Variants in FAM107A observed in about 807,000 individuals in gnomAD.
FAM107A encodes the protein actin-associated protein FAM107A.
A neutral mutation model predicts 13.7 loss-of-function variants in FAM107A; 19 were observed. That is an observed-to-expected ratio of 1.38 (90% CI 0.97 to 2.03). FAM107A has a LOEUF of 2.03. Ranked by LOEUF, FAM107A falls within the 30% of genes most tolerant of loss-of-function variation. The pLI is 0.00. For synonymous variants in FAM107A, 82 were observed against 74.5 expected (o/e 1.10, Z -0.52); for missense variants, 203 against 184.4 (o/e 1.10, Z -0.58).
upstream of FAM107A, among the ~76,000 whole-genome samples, chr3:58,587,509 G>A (rs908461130): frequency 2.9e-4 from 39 of 136,498 alleles, no homozygotes; most frequent in African/African-American, 1.0e-3. Flanking sequence ...GTGTGTGTGT[G>A]TGTGTGTGTG....
chr3:58,586,919 G>A lies in FAM107A; in HGVS notation c.18C>T (p.Gly6=), dbSNP rs2065612706. The change falls in exon 1 of 4, where the codon GGC becomes GGT. Residue 6 remains glycine (G), a synonymous_variant. Transcript: ENST00000447756. ...CATCGGAGGGCCCCCGGGCCCACTCGCCCAGCCTCTGCGCCATGCCCCCGC... is the reference window on the plus strand; with the variant it reads ...CATCGGAGGGCCCCCGGGCCCACTCACCCAGCCTCTGCGCCATGCCCCCGC... 6 of 1,532,282 alleles carry A rather than the reference G, an allele frequency of 3.9e-6. No homozygotes were observed. The East Asian group carries it at 1.5e-4, about 38-fold the overall frequency. 94.9% of individuals were successfully genotyped at this position (1,532,282 alleles called of 1,614,324 possible).
At chr3:58,596,051 A>G (rs2065704677) in intron 1 of FAM107A, among the ~76,000 whole-genome samples, 3 of 152,248 alleles carry the variant, frequency 2.0e-5, no homozygotes, top group African/African-American at 7.2e-5. Context: ...TGTAATGTAC[A>G]ATATGCCCCA....
At position 58,577,224 on chromosome 3, in the gene FAM107A, A is replaced by G; in HGVS notation, c.-6+85T>C. The G allele has an allele frequency of 1.6e-6, 1 of 614,912 alleles. No individual in the cohort carries two copies. Among genetic ancestry groups the G allele is most frequent in the Non-Finnish European group, 2.0e-6 (1 of 491,440 alleles). The allele number at this position is 614,912 out of a possible 1,614,324, so 38.1% of individuals were successfully genotyped here. A position where few individuals can be genotyped will look rare whatever the true frequency, so the allele number is the denominator to read the frequency against. On this transcript the variant is annotated intron_variant, in intron 1 of 3. Transcript: ENST00000360997. The surrounding 1 kb of genome is among the most constrained non-coding windows in gnomAD (Gnocchi z 4.9). ...GTCCACTGACAGCCCACTTCAGTGT[A>G]CCGGGTCTGCCCTCCTTCCCTTCCA... is the stretch of plus-strand genomic sequence containing the variant.
upstream of FAM107A, among the ~76,000 whole-genome samples, chr3:58,589,840 A>G (rs1459575017): frequency 6.6e-6 from 1 of 152,052 alleles, no homozygotes; most frequent in Non-Finnish European, 1.5e-5. Context: ...TTTGTTTTGG[A>G]TGACTCGCAC....
At chr3:58,603,798 C>T (rs2065771517) in intron 1 of FAM107A, among the ~76,000 whole-genome samples, 1 of 152,020 alleles carries the variant, frequency 6.6e-6, no homozygotes, top group African/African-American at 2.4e-5. Flanking sequence ...CTCACAGTAA[C>T]AGGCATGTGG....
At chr3:58,570,615 GA>G in intron 1 of FAM107A, among the ~76,000 whole-genome samples, 1 of 145,820 alleles carries the variant, frequency 6.9e-6, no homozygotes, top group Non-Finnish European at 1.5e-5. Flanking sequence ...GAGAGAGAGA[GA>G]GAGAGAGAGA....
chr3:58,614,757 G>A (rs562640097), intron 1 of FAM107A, among the ~76,000 whole-genome samples: 2 of 152,166 alleles, frequency 1.3e-5, no homozygotes, highest in African/African-American at 4.8e-5. Flanking sequence ...CACCCACCTT[G>A]GCCTCCCAAA....
At chr3:58,570,484 G>A (rs956370727) in intron 1 of FAM107A, 1 of 515,590 alleles carries the variant, frequency 1.9e-6, no homozygotes, top group African/African-American at 2.1e-5. Flanking sequence ...TTCTACCACA[G>A]CGGTTTGAAA....
chr3:58,611,297 C>T (rs2065851980), intron 1 of FAM107A, among the ~76,000 whole-genome samples: 1 of 152,228 alleles, frequency 6.6e-6, no homozygotes, highest in South Asian at 2.1e-4. Context: ...ACACCAGCTC[C>T]ATCCCCTTCA....
chr3:58,593,198 A>G (rs2065668356), intron 1 of FAM107A, among the ~76,000 whole-genome samples: 1 of 152,024 alleles, frequency 6.6e-6, no homozygotes, highest in Admixed American at 6.6e-5. Context: ...GCTCTCCCCT[A>G]CTTCCCTTAA....
intron 1 of FAM107A, chr3:58,608,030 A>G (rs899314944): frequency 3.9e-5 from 6 of 152,310 alleles, no homozygotes; most frequent in Non-Finnish European, 4.4e-5. Flanking sequence ...CTTGTTACGC[A>G]GCAATAGAAA....
At chr3:58,589,416 T>G (rs892997213), upstream of FAM107A, 11 of 612,768 alleles carry the variant, frequency 1.8e-5, no homozygotes, top group African/African-American at 1.8e-4. Flanking sequence ...GAAATTACCA[T>G]AGTCTTTGGA....
In FAM107A at chr3:58,566,283, C is replaced by CCACCT. The variant is rs2063620119; in HGVS notation, c.*300_*304dup. 3.2e-6 allele frequency: 1 copy of CCACCT among 314,714 alleles called. No individual in the cohort carries two copies. The highest frequency in any genetic ancestry group is 5.8e-6 in the Non-Finnish European group (1 of 173,440). The allele number at this position is 314,714 out of a possible 1,614,324, so 19.5% of individuals were successfully genotyped here. A position where few individuals can be genotyped will look rare whatever the true frequency, so the allele number is the denominator to read the frequency against. On this transcript the variant is annotated 3_prime_UTR_variant, in exon 4 of 4. Transcript: ENST00000360997. ...ACAGAAGGCTTGTCAAGTCAGAGGG[C>CCACCT]CACCTCTTCCTCCTCAATTCTGCCA...
rs1475008758 is a variant in FAM107A at position 58,604,897 on chromosome 3, T to C, written c.-69-15628A>G. The stretch of plus-strand genomic sequence containing the variant: ...TGGAGGTTGTGTGTGTGTGATGTGT[T>C]GTGGAGACTCTGGATTTTGTTATCT... On this transcript the variant is annotated intron_variant, in intron 1 of 3. Coordinates refer to the FAM107A transcript ENST00000465970. The surrounding 1 kb of genome is among the most constrained non-coding windows in gnomAD (Gnocchi z 4.1). Among the ~76,000 whole-genome samples, 1 of 152,248 alleles carries C rather than the reference T, an allele frequency of 6.6e-6. No individual in the cohort carries two copies. The highest frequency in any genetic ancestry group is 1.5e-5 in the Non-Finnish European group (1 of 68,040).
At chr3:58,588,382 G>C (rs2065627735), upstream of FAM107A, among the ~76,000 whole-genome samples, 1 of 152,216 alleles carries the variant, frequency 6.6e-6, no homozygotes, top group Admixed American at 6.5e-5. Context: ...TTGGCCCATG[G>C]CCACTGCCCA....
At position 58,569,613 on chromosome 3, in the gene FAM107A, T is replaced by G. The variant is rs1559474199; in HGVS notation, c.170+78A>C. ...GCCCCAGGATGAAAGCCAGCTCTGC[T>G]TTCCTCCAGGGTCACCTTCCCCATC... On this transcript the variant is annotated intron_variant, in intron 2 of 3. Transcript: ENST00000360997. This position sits in a 1 kb window ranked among gnomAD's most constrained non-coding sequence, Gnocchi z 5.7. 7.8e-7 allele frequency: 1 copy of G among 1,280,418 alleles called. No homozygotes were observed. The highest frequency in any genetic ancestry group is 1.5e-5 in the African/African-American group (1 of 66,914). 79.3% of individuals were successfully genotyped at this position (1,280,418 alleles called of 1,614,324 possible). A position where few individuals can be genotyped will look rare whatever the true frequency, so the allele number is the denominator to read the frequency against.
intron 1 of FAM107A, among the ~76,000 whole-genome samples, chr3:58,605,214 G>GTCTCCCAGCCCCAGCTGAC (rs1055630820): frequency 2.0e-5 from 3 of 152,112 alleles, no homozygotes; most frequent in Non-Finnish European, 2.9e-5. Context: ...TCTCTCCAAT[G>GTCTCCCAGCCCCAGCTGAC]TCTCCCAGCC....
upstream of FAM107A, among the ~76,000 whole-genome samples, chr3:58,578,180 C>A (rs1021557944): frequency 4.6e-5 from 7 of 152,210 alleles, no homozygotes; most frequent in African/African-American, 1.4e-4. Context: ...CTGGACTCTA[C>A]GTGATCTGAG....
At chr3:58,586,690 C>T (rs2065609419) in intron 1 of FAM107A, among the ~76,000 whole-genome samples, 1 of 152,122 alleles carries the variant, frequency 6.6e-6, no homozygotes, top group African/African-American at 2.4e-5. Flanking sequence ...AGAATGAGAC[C>T]CTGTCACAAA....
Sources: gnomAD v4.1 joint callset for allele counts (sites outside exome capture counted in the v4.1 genomes callset) on GRCh38, gnomAD v4.1.1 for gene constraint, Gnocchi (gnomAD v3.1) non-coding constraint, MANE v1.5 for transcripts, NCBI Gene and HGNC (gene_info 2026-07-23, HGNC 2026-07-21) for gene names.